Variants in CFAP54 observed in about 807,000 individuals in gnomAD.
The protein encoded by CFAP54 is cilia- and flagella-associated protein 54.
CFAP54 carries 290 observed loss-of-function variants against 370.4 expected under a neutral mutation model. The ratio of observed to expected loss-of-function variants is 0.78; its 90% CI spans 0.71 to 0.86. The LOEUF is 0.86. Among genes scored for constraint, CFAP54 ranks in the 40% least tolerant of loss-of-function variants. CFAP54 has a pLI of 0.00. For missense variants in CFAP54, 3,399 were observed against 3,528.7 expected, an observed-to-expected ratio of 0.96 and a Z score of 0.93; for synonymous variants, 1,206 against 1,236.5, an observed-to-expected ratio of 0.98 and a Z score of 0.52.
chr12:96,513,880 C>T (rs371656717), intron 5 of CFAP54, among the ~76,000 whole-genome samples: 48 of 152,318 alleles, frequency 3.2e-4, no homozygotes, highest in South Asian at 4.1e-4. Flanking sequence ...GCATGCTAAT[C>T]GGGTGAATGC....
intron 65 of CFAP54, among the ~76,000 whole-genome samples, chr12:96,823,885 T>A (rs1011704219): frequency 6.6e-6 from 1 of 152,220 alleles, no homozygotes; most frequent in East Asian, 1.9e-4. Context: ...AAGATAATCA[T>A]AGTGGCATGT....
intron 1 of CFAP54, among the ~76,000 whole-genome samples, chr12:96,494,916 G>A (rs1040901776): frequency 2.0e-5 from 3 of 151,368 alleles, no homozygotes; most frequent in East Asian, 2.0e-4. Context: ...TAGTAGAGAC[G>A]GAGTTTCACC....
chr12:96,809,446 A>G (rs149083055), intron 63 of CFAP54, among the ~76,000 whole-genome samples: 3 of 151,678 alleles, frequency 2.0e-5, no homozygotes, highest in African/African-American at 7.3e-5. Flanking sequence ...AGTTGTTTTG[A>G]TCATATTTTT....
intron 31 of CFAP54, 99 bp downstream of exon 31, chr12:96,630,303 A>C (rs1040956717): frequency 4.2e-5 from 26 of 623,784 alleles, no homozygotes; most frequent in Non-Finnish European, 6.9e-5. Context: ...AATATGAAAC[A>C]GAAGGATATA....
intron 26 of CFAP54, among the ~76,000 whole-genome samples, chr12:96,617,805 AC>A (rs1340166715): frequency 2.0e-5 from 3 of 152,208 alleles, no homozygotes; most frequent in Non-Finnish European, 2.9e-5. Flanking sequence ...CCTGGCTAAC[AC>A]GGTGAAACCC....
chr12:96,681,121 A>AC (rs200811269), intron 40 of CFAP54, among the ~76,000 whole-genome samples: 1 of 87,526 alleles, frequency 1.1e-5, no homozygotes, highest in Non-Finnish European at 2.6e-5. Context: ...GCACCCCCCC[A>AC]CACACACACA....
At chr12:96,735,397 T>A (rs75209068) in intron 50 of CFAP54, among the ~76,000 whole-genome samples, 4,621 of 152,244 alleles carry the variant, frequency 0.03, 221 homozygotes, top group African/African-American at 0.1. Context: ...CAGAAGGGGT[T>A]CACTATCCAA....
At chr12:96,779,119 A>C (rs1472126765) in intron 60 of CFAP54, among the ~76,000 whole-genome samples, 1 of 151,814 alleles carries the variant, frequency 6.6e-6, no homozygotes, top group Non-Finnish European at 1.5e-5. Context: ...AAAAAAAAAA[A>C]AAAAAACCCA....
chr12:96,673,002 G>A (rs1272589346), intron 39 of CFAP54, among the ~76,000 whole-genome samples: 1 of 152,172 alleles, frequency 6.6e-6, no homozygotes, highest in East Asian at 1.9e-4. Flanking sequence ...CAGAAGGGAA[G>A]GGAAGTGCAG....
chr12:96,738,717 TCTC>T (rs10572603), intron 50 of CFAP54, among the ~76,000 whole-genome samples: 2,294 of 150,984 alleles, frequency 0.015, 60 homozygotes, highest in African/African-American at 0.052. Flanking sequence ...TTCAAGCGAT[TCTC>T]CTGCCTCAGC....
At chr12:96,537,015 A>T in intron 12 of CFAP54, among the ~76,000 whole-genome samples, 1 of 151,578 alleles carries the variant, frequency 6.6e-6, no homozygotes, top group African/African-American at 2.4e-5. Context: ...ATTCAATTCA[A>T]TAAACACTTA....
intron 39 of CFAP54, among the ~76,000 whole-genome samples, chr12:96,675,101 C>G (rs967399889): frequency 2.0e-5 from 3 of 151,890 alleles, no homozygotes; most frequent in African/African-American, 7.3e-5. Flanking sequence ...TCTAATTAAA[C>G]TAAAGAGCTT....
intron 14 of CFAP54, 133 bp from the exon 15 acceptor site, chr12:96,547,769 T>G: frequency 2.5e-6 from 1 of 403,136 alleles, no homozygotes; most frequent in Non-Finnish European, 4.4e-6. Flanking sequence ...ATTTCTCTGG[T>G]CCTTCCTTCT....
At chr12:96,853,588 G>A (rs1229436623) in intron 66 of CFAP54, among the ~76,000 whole-genome samples, 1 of 152,132 alleles carries the variant, frequency 6.6e-6, no homozygotes, top group Non-Finnish European at 1.5e-5. Context: ...AAAGAATTGT[G>A]TTTGGCAAGA....
intron 32 of CFAP54, among the ~76,000 whole-genome samples, chr12:96,632,578 C>G (rs12319865): frequency 0.021 from 3,171 of 152,032 alleles, 67 homozygotes; most frequent in African/African-American, 0.052. Flanking sequence ...GATCTCTTCT[C>G]TGTTTGATTA....
intron 19 of CFAP54, among the ~76,000 whole-genome samples, chr12:96,570,254 A>T: frequency 6.6e-6 from 1 of 151,644 alleles, no homozygotes; most frequent in Non-Finnish European, 1.5e-5. Context: ...GACTACAGGC[A>T]TGAGCCACTG....
chr12:96,512,315 A>G (rs1180755465), intron 4 of CFAP54, among the ~76,000 whole-genome samples: 2 of 30,914 alleles, frequency 6.5e-5, no homozygotes, highest in Non-Finnish European at 1.5e-4. Flanking sequence ...ATATATATAT[A>G]TATATATATA....
rs1398523263 is a variant in CFAP54, at chr12:96,592,503, A to G, written c.3226A>G (p.Ile1076Val). ...TTCATATTGCAGATTACATTCAGAT[A>G]TTTTGGCAGAGACTTCTTCAATCCT... ...TITQRRLHSD[I>V]LAETSSILLY... The change falls in exon 24 of 68, where the codon ATT becomes GTT. Residue 1076 changes from isoleucine (I) to valine (V), a missense_variant. By Grantham distance (29) the Ile-to-Val change is conservative. Transcript: ENST00000524981. The G allele has an allele frequency of 4.5e-6, 3 of 662,504 alleles. No homozygotes were observed. The highest frequency in any genetic ancestry group is 4.6e-5 in the South Asian group (2 of 43,068). 41.0% of individuals were successfully genotyped at this position (662,504 alleles called of 1,614,324 possible). A position where few individuals can be genotyped will look rare whatever the true frequency, so the allele number is the denominator to read the frequency against.
intron 63 of CFAP54, among the ~76,000 whole-genome samples, chr12:96,811,188 A>G (rs1353916530): frequency 6.6e-6 from 1 of 152,226 alleles, no homozygotes; most frequent in East Asian, 1.9e-4. Flanking sequence ...AGTAGGTGCT[A>G]TAACTTATGC....
Sources: allele counts gnomAD v4.1 joint callset (sites outside exome capture counted in the v4.1 genomes callset), GRCh38; gene constraint gnomAD v4.1.1; transcripts MANE v1.5; gene names NCBI Gene and HGNC (gene_info 2026-07-23, HGNC 2026-07-21).